Variants in CORO2B observed in about 807,000 individuals in gnomAD.
CORO2B encodes coronin 2B.
CORO2B carries 26 observed loss-of-function variants against 58.8 expected under a neutral mutation model. The observed-to-expected ratio is 0.44, with a 90% CI of 0.32 to 0.61. CORO2B has a LOEUF of 0.61. CORO2B is among the 20% of genes least tolerant of loss of function. The pLI is 0.04. For synonymous variants in CORO2B, 242 were observed against 253.8 expected (o/e 0.95, Z 0.44); for missense variants, 460 against 645.1 (o/e 0.71, Z 3.11).
At chr15:68,580,471 C>T (rs1899401578) in intron 1 of CORO2B, among the ~76,000 whole-genome samples, 1 of 152,114 alleles carries the variant, frequency 6.6e-6, no homozygotes, top group South Asian at 2.1e-4. Flanking sequence ...AGGGCCTACC[C>T]TTGCCCTCCT....
intron 1 of CORO2B, among the ~76,000 whole-genome samples, chr15:68,596,853 C>T (rs768723548): frequency 2.0e-5 from 3 of 152,168 alleles, no homozygotes; most frequent in African/African-American, 4.8e-5. Flanking sequence ...GCACTCCCCA[C>T]GCCCCTTCCC....
intron 2 of CORO2B, among the ~76,000 whole-genome samples, chr15:68,667,108 A>G (rs956338940): frequency 3.3e-5 from 5 of 150,374 alleles, no homozygotes; most frequent in Non-Finnish European, 7.4e-5. Flanking sequence ...CCCCACCCCT[A>G]CTCTAAAAAC....
At chr15:68,670,070 G>A (rs927719321) in intron 2 of CORO2B, among the ~76,000 whole-genome samples, 5 of 148,006 alleles carry the variant, frequency 3.4e-5, no homozygotes, top group African/African-American at 1.3e-4. Context: ...AAAAAAAAAG[G>A]GGGGGAAAAA....
At chr15:68,664,892 A>G (rs1902140788) in intron 2 of CORO2B, among the ~76,000 whole-genome samples, 2 of 152,306 alleles carry the variant, frequency 1.3e-5, no homozygotes, top group South Asian at 4.1e-4. Flanking sequence ...TGATGGAAGA[A>G]GTCCTTTATA....
the CORO2B span, among the ~76,000 whole-genome samples, chr15:68,573,950 G>A: frequency 2.6e-5 from 4 of 152,142 alleles, no homozygotes; most frequent in Admixed American, 1.3e-4. Context: ...GACTGAAGAA[G>A]GGTCAGCTAG....
chr15:68,678,643 C>A (rs1413182716), intron 2 of CORO2B, among the ~76,000 whole-genome samples: 1 of 152,162 alleles, frequency 6.6e-6, no homozygotes, highest in African/African-American at 2.4e-5. Flanking sequence ...CACTGTACTC[C>A]AGCCTGGGCA....
At chr15:68,623,982 C>T (rs528841491) in intron 1 of CORO2B, among the ~76,000 whole-genome samples, 2 of 152,212 alleles carry the variant, frequency 1.3e-5, no homozygotes, top group East Asian at 3.9e-4. Flanking sequence ...CAACCTCCAA[C>T]AAGAAGGAGG....
chr15:68,622,252 AGT>A (rs1051527212), intron 1 of CORO2B, among the ~76,000 whole-genome samples: 2 of 151,930 alleles, frequency 1.3e-5, no homozygotes, highest in Non-Finnish European at 2.9e-5. Context: ...GTGAAAATGG[AGT>A]GTGTGGGGGC....
chr15:68,571,250 C>T, the CORO2B span, among the ~76,000 whole-genome samples: 1 of 152,144 alleles, frequency 6.6e-6, no homozygotes, highest in Non-Finnish European at 1.5e-5. Context: ...ATTCAGTACT[C>T]AGTACATGTA....
At chr15:68,590,552 C>A (rs1484813483) in intron 1 of CORO2B, among the ~76,000 whole-genome samples, 1 of 152,152 alleles carries the variant, frequency 6.6e-6, no homozygotes, top group African/African-American at 2.4e-5. Context: ...GGCCAGCTGG[C>A]CTGGCAGTGG....
Position 68,695,276 on chromosome 15 carries a change from C to T in CORO2B, c.333+20C>T, listed in dbSNP as rs373005259. 3.5e-5 allele frequency: 56 copies of T among 1,591,100 alleles called. No individual in the cohort carries two copies. The highest frequency in any genetic ancestry group is 6.7e-5 in the African/African-American group (5 of 74,468). On this transcript the variant is annotated intron_variant, in intron 3 of 11. Transcript: ENST00000261861. ...ACGTCGGTGAGCAGAGGGGTGCTCC[C>T]GGAGGAGGGTGGGCTCAGGCCCCTC...
At chr15:68,558,470 A>G in the CORO2B span, among the ~76,000 whole-genome samples, 2 of 152,022 alleles carry the variant, frequency 1.3e-5, no homozygotes, top group East Asian at 3.9e-4. Context: ...TCCCATGATT[A>G]AGAAATCCTC....
At chr15:68,649,715 T>G (rs1901572996) in intron 2 of CORO2B, among the ~76,000 whole-genome samples, 1 of 152,222 alleles carries the variant, frequency 6.6e-6, no homozygotes, top group Non-Finnish European at 1.5e-5. Flanking sequence ...GAAAAACATA[T>G]TTTTATTAAA....
intron 1 of CORO2B, among the ~76,000 whole-genome samples, chr15:68,627,207 A>C (rs1040218989): frequency 3.3e-5 from 5 of 152,202 alleles, no homozygotes; most frequent in Non-Finnish European, 5.9e-5. Flanking sequence ...GTTTTACTTT[A>C]TGTCTGTGTA....
intron 1 of CORO2B, 85 bp downstream of exon 1, chr15:68,579,362 T>G (rs1427517493): frequency 5.0e-5 from 58 of 1,159,530 alleles, no homozygotes; most frequent in East Asian, 1.2e-4. Flanking sequence ...GGGGTGTGGG[T>G]GTGGGGAGGG....
At chr15:68,725,745 G>C (rs747541173) in intron 11 of CORO2B, 98 bp from the exon 12 acceptor site, 1 of 1,512,230 alleles carries the variant, frequency 6.6e-7, no homozygotes, top group Non-Finnish European at 9.0e-7. Flanking sequence ...GGAATGTGAG[G>C]GCACGGGCGG....
chr15:68,648,460 C>G (rs1222418546), intron 2 of CORO2B, among the ~76,000 whole-genome samples: 1 of 151,824 alleles, frequency 6.6e-6, no homozygotes, highest in Non-Finnish European at 1.5e-5. Flanking sequence ...TCCTGGCTAA[C>G]ATGGTGAAAC....
chr15:68,700,658 G>A (rs886759338), intron 3 of CORO2B, among the ~76,000 whole-genome samples: 1 of 152,200 alleles, frequency 6.6e-6, no homozygotes, highest in African/African-American at 2.4e-5. Flanking sequence ...TCTTTCCGCT[G>A]CTGGGTGATG....
chr15:68,631,917 G>C, intron 1 of CORO2B: 1 of 983,196 alleles, frequency 1.0e-6, no homozygotes, highest in African/African-American at 1.7e-5. Context: ...AATGGCCCCA[G>C]ATGGCCACCA....
Sources: allele counts gnomAD v4.1 joint callset (sites outside exome capture counted in the v4.1 genomes callset), GRCh38; gene constraint gnomAD v4.1.1; transcripts MANE v1.5; gene names NCBI Gene and HGNC (gene_info 2026-07-23, HGNC 2026-07-21).